The following PTPRD variants were observed in gnomAD, a reference collection of about 807,000 sequenced individuals.
PTPRD encodes receptor-type tyrosine-protein phosphatase delta.
PTPRD carries 34 observed loss-of-function variants against 214.5 expected under a neutral mutation model. The observed-to-expected ratio is 0.16, with a 90% CI of 0.12 to 0.21. The LOEUF is 0.21. Ranked by LOEUF, PTPRD falls within the 10% of genes least tolerant of loss-of-function variation. The pLI, the probability that PTPRD is intolerant of heterozygous loss-of-function variation, is 1.00. For missense variants in PTPRD, 2,545 were observed against 2,398.7 expected (o/e 1.06, Z -1.27); for synonymous variants, 1,128 against 845.7 (o/e 1.33, Z -5.79).
At chr9:10,393,194 T>C (rs920208342) in intron 2 of PTPRD, among the ~76,000 whole-genome samples, 8 of 151,894 alleles carry the variant, frequency 5.3e-5, no homozygotes, top group African/African-American at 1.4e-4. Flanking sequence ...AAATCTTTGA[T>C]ATAGTGTCCA....
In PTPRD at chr9:8,401,002, G is replaced by T. The variant is rs976709156; in HGVS notation, c.4210+3535C>A. Among the ~76,000 whole-genome samples the T allele has an allele frequency of 2.6e-5, 4 of 152,106 alleles. No homozygotes were observed. In the East Asian group the frequency reaches 7.7e-4, roughly 29 times the overall value. ...AGATTTCCTTGTTCTTCATCTTTTG[G>T]TTTGTCCATTTTCTTTTCCTCATAA... On this transcript the variant is annotated intron_variant, in intron 36 of 45. Transcript: ENST00000381196.
intron 2 of PTPRD, among the ~76,000 whole-genome samples, chr9:10,570,685 C>G (rs1448856766): frequency 6.6e-6 from 1 of 152,120 alleles, no homozygotes; most frequent in Non-Finnish European, 1.5e-5. Flanking sequence ...ACCCATTCAA[C>G]TCCCTCCTTT....
chr9:9,338,336 T>C lies in PTPRD; in HGVS notation c.-203+59113A>G, dbSNP rs72698853. Among the ~76,000 whole-genome samples the C allele has an allele frequency of 5.0e-3, 768 of 152,288 alleles. 3 individuals carry two copies. Among genetic ancestry groups the C allele is most frequent in the Non-Finnish European group, 5.2e-3 (351 of 68,008 alleles). On this transcript the variant is annotated intron_variant, in intron 9 of 45. Transcript: ENST00000381196. ...ACCTCTGGCACATGTCTAATTCAGA[T>C]TGCAGCAAGATGAAAATAGGTATCT...
chr9:10,271,541 TTTC>T (rs1564921396), intron 3 of PTPRD, among the ~76,000 whole-genome samples: 1 of 143,708 alleles, frequency 7.0e-6, no homozygotes, highest in Non-Finnish European at 1.5e-5. Context: ...TTTCTTTTCT[TTTC>T]TTTTCTTTTT....
intron 14 of PTPRD, among the ~76,000 whole-genome samples, chr9:8,588,156 A>G (rs956241378): frequency 6.6e-6 from 1 of 152,242 alleles, no homozygotes. Context: ...AGCTAGGCTA[A>G]TCTGCATTCT....
intron 3 of PTPRD, among the ~76,000 whole-genome samples, chr9:10,149,303 G>C (rs1366992077): frequency 6.6e-6 from 1 of 152,152 alleles, no homozygotes; most frequent in Non-Finnish European, 1.5e-5. Flanking sequence ...TTTGCTACTA[G>C]GGGCATAAAC....
At chr9:9,181,589 G>A (rs1452825611) in intron 10 of PTPRD, among the ~76,000 whole-genome samples, 1 of 151,884 alleles carries the variant, frequency 6.6e-6, no homozygotes, top group African/African-American at 2.4e-5. Flanking sequence ...CTTCACTACA[G>A]CCACCAGAAA....
chr9:9,259,769 G>A (rs1031991953), intron 9 of PTPRD, among the ~76,000 whole-genome samples: 2 of 151,892 alleles, frequency 1.3e-5, no homozygotes, highest in African/African-American at 2.4e-5. Context: ...GAGAAGAAAG[G>A]TTTGGAGAAC....
intron 7 of PTPRD, among the ~76,000 whole-genome samples, chr9:9,693,805 C>G (rs1335397563): frequency 6.6e-6 from 1 of 152,144 alleles, no homozygotes; most frequent in Non-Finnish European, 1.5e-5. Flanking sequence ...TTTGTCTCCT[C>G]TGACTGTATT....
At chr9:8,522,121 C>A (rs1423501108) in intron 19 of PTPRD, among the ~76,000 whole-genome samples, 1 of 152,152 alleles carries the variant, frequency 6.6e-6, no homozygotes. Context: ...CACACTAACA[C>A]TGGAACAAAC....
chr9:8,856,311 A>G (rs917759331), intron 11 of PTPRD, among the ~76,000 whole-genome samples: 2 of 152,150 alleles, frequency 1.3e-5, no homozygotes, highest in Admixed American at 1.3e-4. Flanking sequence ...TGAAACAGAG[A>G]AAAAAATACT....
intron 2 of PTPRD, among the ~76,000 whole-genome samples, chr9:10,503,041 T>G (rs1003863660): frequency 2.6e-5 from 4 of 151,882 alleles, no homozygotes; most frequent in Admixed American, 1.3e-4. Context: ...TGTTTTCCTT[T>G]AGAATGTCAA....
chr9:9,133,536 T>A (rs566710380), intron 10 of PTPRD, among the ~76,000 whole-genome samples: 5 of 152,290 alleles, frequency 3.3e-5, no homozygotes, highest in African/African-American at 1.2e-4. Context: ...AACAAAGTAA[T>A]GTGTGCATGG....
chr9:9,943,661 A>T (rs1278065920), intron 4 of PTPRD, among the ~76,000 whole-genome samples: 1 of 151,972 alleles, frequency 6.6e-6, no homozygotes, highest in Non-Finnish European at 1.5e-5. Context: ...AAGTGTAGTC[A>T]TTTCAAGAAA....
At chr9:9,160,652 C>A (rs2099886387) in intron 10 of PTPRD, among the ~76,000 whole-genome samples, 1 of 152,070 alleles carries the variant, frequency 6.6e-6, no homozygotes, top group Non-Finnish European at 1.5e-5. Context: ...AATAGAACTA[C>A]CATATGATTC....
chr9:9,689,590 T>C (rs1223121548), intron 7 of PTPRD, among the ~76,000 whole-genome samples: 1 of 151,886 alleles, frequency 6.6e-6, no homozygotes, highest in Non-Finnish European at 1.5e-5. Flanking sequence ...ACTTATTTTT[T>C]CTAAGTGTAT....
chr9:9,910,313 G>A (rs1441055227), intron 5 of PTPRD, among the ~76,000 whole-genome samples: 1 of 151,952 alleles, frequency 6.6e-6, no homozygotes, highest in Non-Finnish European at 1.5e-5. Context: ...TTGATGTAAT[G>A]TGAATTTTTT....
At chr9:8,387,206 T>C (rs2087440584) in intron 37 of PTPRD, among the ~76,000 whole-genome samples, 2 of 150,714 alleles carry the variant, frequency 1.3e-5, no homozygotes. Flanking sequence ...GAGGTTCATT[T>C]AGTAACTTCC....
intron 14 of PTPRD, among the ~76,000 whole-genome samples, chr9:8,557,105 A>G (rs1412838828): frequency 6.6e-6 from 1 of 152,124 alleles, no homozygotes; most frequent in Non-Finnish European, 1.5e-5. Flanking sequence ...TTCAGAGAGC[A>G]GGGCCACAGT....
Sources: allele counts gnomAD v4.1 joint callset (sites outside exome capture counted in the v4.1 genomes callset), GRCh38; gene constraint gnomAD v4.1.1; transcripts MANE v1.5; gene names NCBI Gene and HGNC (gene_info 2026-07-23, HGNC 2026-07-21).